The following TOX4 variants were observed in gnomAD, a reference collection of about 807,000 sequenced individuals.
The protein encoded by TOX4 is epidermal Langerhans cell protein LCP1.
In TOX4, 12 loss-of-function variants were observed where a neutral mutation model predicts 61.0. The observed-to-expected ratio is 0.20, with a 90% CI of 0.13 to 0.32. The LOEUF (loss-of-function observed/expected upper bound fraction) is 0.32. Among genes scored for constraint, TOX4 ranks in the 10% least tolerant of loss-of-function variants. The pLI is 1.00. For missense variants in TOX4, 499 were observed against 753.3 expected (o/e 0.66, Z 3.95); for synonymous variants, 268 against 274.8 (o/e 0.98, Z 0.24).
Position 21,498,198 on chromosome 14 carries a change from T to C in TOX4, c.*1592T>C, listed in dbSNP as rs529367261. On this transcript the variant is annotated 3_prime_UTR_variant, in exon 9 of 9. Coordinates refer to ENST00000448790, the MANE Select transcript of TOX4 (RefSeq NM_014828.4). The stretch of plus-strand genomic sequence containing the variant: ...AAGAAAGCTATTGTACAAATATCAC[T>C]CTTCAGGTTTAGCTTACAGAGCCAT... The C allele has an allele frequency of 7.4e-6, 7 of 951,020 alleles. No individual in the cohort carries two copies. Among genetic ancestry groups the C allele is most frequent in the Admixed American group, 7.2e-5 (4 of 55,512 alleles). The allele number at this position is 951,020 out of a possible 1,614,324, so 58.9% of individuals were successfully genotyped here.
chr14:21,487,707 C>T lies in TOX4; in HGVS notation c.318+14C>T. On this transcript the variant is annotated intron_variant, in intron 3 of 8. Transcript: ENST00000448790. The stretch of plus-strand genomic sequence containing the variant: ...GGCTTGACCATGGTAAGGGGCAAGA[C>T]ATTGTCAGGCTTACCCCAGCTAATG... 6.2e-7 allele frequency: 1 copy of T among 1,602,236 alleles called. No homozygotes were observed. Among genetic ancestry groups the T allele is most frequent in the African/African-American group, 1.3e-5 (1 of 74,792 alleles).
intron 8 of TOX4, 80 bp downstream of exon 8, chr14:21,495,472 C>G (rs1891380800): frequency 2.0e-6 from 3 of 1,504,862 alleles, no homozygotes. Flanking sequence ...AGCATAAAAT[C>G]AGCATCTCAG....
At chr14:21,496,454 GA>G in intron 8 of TOX4, 91 bp from the exon 9 acceptor site, 1 of 1,148,150 alleles carries the variant, frequency 8.7e-7, no homozygotes, top group Non-Finnish European at 1.3e-6. Context: ...GTGAACCCAT[GA>G]GGTCCGTCTC....
Position 21,498,385 on chromosome 14 carries a change from A to AG in TOX4, c.*1781dup, listed in dbSNP as rs746120117. The AG allele has an allele frequency of 1.7e-5, 28 of 1,612,718 alleles. No homozygotes were observed. Among genetic ancestry groups the AG allele is most frequent in the Non-Finnish European group, 2.3e-5 (27 of 1,179,542 alleles). ...AAGGGTGATCCTGAAACAGTGTAAAAGGAGGGGCAAACCAGAAATCCTGGA... is the reference window on the plus strand; with the variant it reads ...AAGGGTGATCCTGAAACAGTGTAAAAGGGAGGGGCAAACCAGAAATCCTGGA... On this transcript the variant is annotated 3_prime_UTR_variant, in exon 9 of 9. Coordinates refer to ENST00000448790, the MANE Select transcript of TOX4 (RefSeq NM_014828.4).
intron 2 of TOX4, among the ~76,000 whole-genome samples, chr14:21,479,804 T>A (rs1594423204): frequency 6.6e-6 from 1 of 152,180 alleles, no homozygotes; most frequent in East Asian, 1.9e-4. Context: ...TTCTCCTCAA[T>A]CAGGTCTCCA....
At chr14:21,495,534 G>A in intron 8 of TOX4, 142 bp downstream of exon 8, 1 of 944,682 alleles carries the variant, frequency 1.1e-6, no homozygotes, top group East Asian at 2.8e-5. Context: ...TACTAGAAAA[G>A]CTCCCCTGCT....
At chr14:21,494,432 C>G (rs1401060861) in intron 7 of TOX4, among the ~76,000 whole-genome samples, 1 of 151,728 alleles carries the variant, frequency 6.6e-6, no homozygotes, top group Admixed American at 6.6e-5. Flanking sequence ...ATGGTGAAAC[C>G]CTGTTTCTAC....
rs1444404181 is a variant in TOX4 at position 21,496,628 on chromosome 14, G to A, written c.*22G>A. ...ATAGTCCTTCCTGTTCTCCAAGCCAGTGAAGAGTTATCTGCTGGGAAAGTG... is the reference window on the plus strand; with the variant it reads ...ATAGTCCTTCCTGTTCTCCAAGCCAATGAAGAGTTATCTGCTGGGAAAGTG... On this transcript the variant is annotated 3_prime_UTR_variant, in exon 9 of 9. Coordinates refer to ENST00000448790, the MANE Select transcript of TOX4 (RefSeq NM_014828.4). The A allele has an allele frequency of 3.1e-6, 5 of 1,603,432 alleles. No homozygotes were observed. The African/African-American group carries it at 4.0e-5, about 13-fold the overall frequency.
rs1219409643 is a variant in TOX4, at chr14:21,477,212, A to C, written c.-67A>C. On this transcript the variant is annotated 5_prime_UTR_variant, in exon 1 of 9. Transcript: ENST00000448790. ...CACACGTCCTTGCGGAAGTGACGGC[A>C]GTTCCGAGTCCAGTGGGGGCGGTGG... 6.2e-7 allele frequency: 1 copy of C among 1,613,590 alleles called. No homozygotes were observed. The highest frequency in any genetic ancestry group is 2.2e-5 in the East Asian group (1 of 44,894).
chr14:21,490,822 ATTAC>A (rs560940889), intron 5 of TOX4, among the ~76,000 whole-genome samples: 227 of 152,296 alleles, frequency 1.5e-3, no homozygotes, highest in African/African-American at 5.4e-3. Context: ...TGGATTTAGA[ATTAC>A]TTGTTTGTTT....
At chr14:21,477,397 T>C in intron 1 of TOX4, 99 bp from the exon 2 acceptor site, 1 of 1,610,982 alleles carries the variant, frequency 6.2e-7, no homozygotes, top group South Asian at 1.1e-5. Flanking sequence ...AGAGCGGGGT[T>C]TGGGGAGTGT....
At position 21,489,501 on chromosome 14, in the gene TOX4, T is replaced by C; in HGVS notation, c.810+98T>C. On this transcript the variant is annotated intron_variant, in intron 5 of 8. Coordinates refer to ENST00000448790, the MANE Select transcript of TOX4 (RefSeq NM_014828.4). The stretch of plus-strand genomic sequence containing the variant: ...TTTTCTTACATGTCCTTATCTAATA[T>C]CAGCTGTTTGTTAATGACACTTAAA... 4.8e-6 allele frequency: 5 copies of C among 1,048,548 alleles called. No homozygotes were observed. In the South Asian group the frequency reaches 8.1e-5, roughly 17 times the overall value. The allele number at this position is 1,048,548 out of a possible 1,614,324, so 65.0% of individuals were successfully genotyped here. A position where few individuals can be genotyped will look rare whatever the true frequency, so the allele number is the denominator to read the frequency against.
At chr14:21,481,273 C>G (rs989776794) in intron 2 of TOX4, among the ~76,000 whole-genome samples, 1 of 152,160 alleles carries the variant, frequency 6.6e-6, no homozygotes, top group South Asian at 2.1e-4. Context: ...CCACCTCTCA[C>G]GTTCAAGCAA....
chr14:21,482,596 A>G (rs890028775), intron 2 of TOX4: 1 of 470,072 alleles, frequency 2.1e-6, no homozygotes, highest in Non-Finnish European at 4.4e-6. Flanking sequence ...GGAGGAAAGG[A>G]AAGCTAAGTT....
chr14:21,483,908 A>G (rs1346954182), intron 2 of TOX4, among the ~76,000 whole-genome samples: 1 of 151,960 alleles, frequency 6.6e-6, no homozygotes, highest in African/African-American at 2.4e-5. Context: ...CCTGGGTTCA[A>G]GCGATTCTCG....
In TOX4 at chr14:21,487,633, G is replaced by A. The variant is rs1256925007; in HGVS notation, c.258G>A (p.Val86=). 1.9e-6 allele frequency: 3 copies of A among 1,613,994 alleles called. No individual in the cohort carries two copies. In the East Asian group the frequency reaches 6.7e-5, roughly 36 times the overall value. ...GGGTCCAGACATTGGACATGCCTGT[G>A]GGCATGACCCATGGCTTGATGGAGC... ...QYGVQTLDMP[V]GMTHGLMEQG... The change falls in exon 3 of 9, where the codon GTG becomes GTA. Residue 86 remains valine, a synonymous_variant. Transcript: ENST00000448790.
chr14:21,477,324 G>T, intron 1 of TOX4, 40 bp downstream of exon 1: 1 of 1,613,924 alleles, frequency 6.2e-7, no homozygotes, highest in Non-Finnish European at 8.5e-7. Context: ...GAGAGAACGC[G>T]GCCGACCGGG....
intron 6 of TOX4, 55 bp downstream of exon 6, chr14:21,492,431 T>C: frequency 6.2e-7 from 1 of 1,610,304 alleles, no homozygotes; most frequent in Non-Finnish European, 8.5e-7. Context: ...TTTTTGGAAG[T>C]GTTTGTTAGC....
At chr14:21,492,176 G>C (rs1412481367) in intron 5 of TOX4, 120 bp from the exon 6 acceptor site, 1 of 909,372 alleles carries the variant, frequency 1.1e-6, no homozygotes. Flanking sequence ...TTCACTGATA[G>C]AGGTTGTCAG....
Sources: allele counts gnomAD v4.1 joint callset (sites outside exome capture counted in the v4.1 genomes callset), GRCh38; gene constraint gnomAD v4.1.1; transcripts MANE v1.5; gene names NCBI Gene and HGNC (gene_info 2026-07-23, HGNC 2026-07-21).